Variants in MYO3B observed in about 807,000 individuals in gnomAD.
MYO3B encodes the protein myosin-IIIb.
In MYO3B, 156 loss-of-function variants were observed where a neutral mutation model predicts 174.6. That is an observed-to-expected ratio of 0.89 (90% CI 0.78 to 1.02). The LOEUF (loss-of-function observed/expected upper bound fraction) is 1.02. Among genes scored for constraint, MYO3B ranks in the 50% least tolerant of loss-of-function variants. The pLI is 0.00. For synonymous variants in MYO3B, 563 were observed against 569.1 expected, an observed-to-expected ratio of 0.99 and a Z score of 0.15; for missense variants, 1,632 against 1,639.4, an observed-to-expected ratio of 1.00 and a Z score of 0.08.
chr2:170,397,946 G>T (rs575820910), intron 16 of MYO3B, among the ~76,000 whole-genome samples: 1 of 152,234 alleles, frequency 6.6e-6, no homozygotes, highest in East Asian at 1.9e-4. Context: ...ACTCTGCTGG[G>T]CGTGGTGGCT....
At chr2:170,201,097 C>T (rs1207572660) in intron 3 of MYO3B, among the ~76,000 whole-genome samples, 1 of 152,060 alleles carries the variant, frequency 6.6e-6, no homozygotes, top group Non-Finnish European at 1.5e-5. Flanking sequence ...ATTTTTTTCT[C>T]CAACAATCCT....
intron 25 of MYO3B, among the ~76,000 whole-genome samples, chr2:170,494,748 AG>A (rs1340549773): frequency 2.8e-3 from 391 of 138,244 alleles, no homozygotes; most frequent in African/African-American, 0.01. Context: ...AAAAAAAAAA[AG>A]AAGAAGAAAA....
At chr2:170,260,344 A>G (rs151184763) in intron 7 of MYO3B, among the ~76,000 whole-genome samples, 2,007 of 152,360 alleles carry the variant, frequency 0.013, 23 homozygotes, top group Non-Finnish European at 0.022. Flanking sequence ...AAAATGTGGT[A>G]CATATATATC....
At position 170,200,301 on chromosome 2, in the gene MYO3B, G is replaced by T. The variant is rs373927004; in HGVS notation, c.321+17G>T. ...GTCCTGGAGGTAAGAGGCTCCCATT[G>T]GGTAACCAGTGATTTGAACAGAGTG... On this transcript the variant is annotated intron_variant, in intron 3 of 34. Transcript: ENST00000408978. 33 of 1,605,492 alleles carry T rather than the reference G, an allele frequency of 2.1e-5. No individual in the cohort carries two copies. The highest frequency in any genetic ancestry group is 1.7e-4 in the Admixed American group (10 of 58,432).
intron 23 of MYO3B, among the ~76,000 whole-genome samples, chr2:170,447,934 G>A (rs1029674086): frequency 1.6e-4 from 25 of 152,160 alleles, no homozygotes; most frequent in African/African-American, 6.0e-4. Context: ...GACCAGATGA[G>A]TCAGTTTATT....
At chr2:170,575,203 G>T (rs1358575390) in intron 32 of MYO3B, among the ~76,000 whole-genome samples, 2 of 152,146 alleles carry the variant, frequency 1.3e-5, no homozygotes, top group Non-Finnish European at 2.9e-5. Flanking sequence ...TGTTTACAAA[G>T]AATCCTTACA....
intron 17 of MYO3B, 145 bp from the exon 18 acceptor site, chr2:170,401,336 T>G (rs2094474564): frequency 1.5e-6 from 1 of 674,956 alleles, no homozygotes; most frequent in African/African-American, 1.8e-5. Context: ...GGAAGCTTCT[T>G]GGGGTTAGGG....
At chr2:170,201,246 A>G (rs35146966) in intron 3 of MYO3B, among the ~76,000 whole-genome samples, 50,736 of 152,162 alleles carry the variant, frequency 0.33, 8,651 homozygotes, top group Non-Finnish European at 0.38. Context: ...CAGTATATGA[A>G]TTAATATATT....
intron 29 of MYO3B, 100 bp from the exon 30 acceptor site, chr2:170,519,338 A>G: frequency 1.3e-6 from 1 of 792,914 alleles, no homozygotes; most frequent in Non-Finnish European, 2.0e-6. Context: ...GAGTGGTATG[A>G]GGGCAGGGAG....
intron 18 of MYO3B, among the ~76,000 whole-genome samples, chr2:170,402,111 C>T (rs1414335780): frequency 6.6e-6 from 1 of 152,174 alleles, no homozygotes; most frequent in East Asian, 1.9e-4. Context: ...ACTGGGTTCG[C>T]ACCCAAACTC....
At chr2:170,507,484 C>T (rs1443429853) in intron 28 of MYO3B, among the ~76,000 whole-genome samples, 3 of 152,090 alleles carry the variant, frequency 2.0e-5, no homozygotes, top group Non-Finnish European at 4.4e-5. Context: ...ACTGCAATCT[C>T]CCCTTCCTGA....
At chr2:170,615,174 A>G (rs1289121082) in intron 32 of MYO3B, among the ~76,000 whole-genome samples, 1 of 152,066 alleles carries the variant, frequency 6.6e-6, no homozygotes, top group Non-Finnish European at 1.5e-5. Context: ...CTAAAACCCA[A>G]CATATCTAGC....
At chr2:170,583,752 C>G (rs115053203) in intron 32 of MYO3B, among the ~76,000 whole-genome samples, 1 of 152,056 alleles carries the variant, frequency 6.6e-6, no homozygotes, top group East Asian at 1.9e-4. Context: ...GGTACTCTTC[C>G]TTGATGAGCA....
At chr2:170,424,190 C>T (rs1179404937) in intron 22 of MYO3B, among the ~76,000 whole-genome samples, 3 of 152,300 alleles carry the variant, frequency 2.0e-5, no homozygotes, top group African/African-American at 7.2e-5. Flanking sequence ...GTGGGACCTG[C>T]TAAGGTAATG....
intron 32 of MYO3B, among the ~76,000 whole-genome samples, chr2:170,589,959 A>G (rs1356908321): frequency 6.6e-6 from 1 of 152,208 alleles, no homozygotes; most frequent in Non-Finnish European, 1.5e-5. Context: ...TAGATACACA[A>G]ATACCATCGT....
chr2:170,304,859 T>C (rs142185792), intron 7 of MYO3B, among the ~76,000 whole-genome samples: 1,628 of 152,140 alleles, frequency 0.011, 34 homozygotes, highest in African/African-American at 0.037. Context: ...AGGTATTTTT[T>C]TCCCCCAGTT....
chr2:170,524,201 G>A (rs551889360), intron 30 of MYO3B, among the ~76,000 whole-genome samples: 1 of 152,224 alleles, frequency 6.6e-6, no homozygotes, highest in African/African-American at 2.4e-5. Context: ...TCTCACACCA[G>A]CCTTCTGGGT....
chr2:170,489,617 GAAAC>G (rs1686301859), intron 25 of MYO3B, among the ~76,000 whole-genome samples: 1 of 149,756 alleles, frequency 6.7e-6, no homozygotes, highest in Non-Finnish European at 1.5e-5. Flanking sequence ...GTTCTCCAGA[GAAAC>G]AAAACCAGTA....
chr2:170,513,091 A>G (rs1003650475), intron 28 of MYO3B, among the ~76,000 whole-genome samples: 1 of 152,076 alleles, frequency 6.6e-6, no homozygotes, highest in Non-Finnish European at 1.5e-5. Flanking sequence ...TTTTCCCCGC[A>G]CACCCCAGCC....
Sources: gnomAD v4.1 joint callset for allele counts (sites outside exome capture counted in the v4.1 genomes callset) on GRCh38, gnomAD v4.1.1 for gene constraint, MANE v1.5 for transcripts, NCBI Gene and HGNC (gene_info 2026-07-23, HGNC 2026-07-21) for gene names.